The following PTPRC variants were observed in gnomAD, a reference collection of about 807,000 sequenced individuals.
PTPRC encodes protein tyrosine phosphatase receptor type C, also known as receptor-type tyrosine-protein phosphatase C.
In PTPRC, 44 loss-of-function variants were observed where a neutral mutation model predicts 155.9. That is an observed-to-expected ratio of 0.28 (90% CI 0.22 to 0.36). The LOEUF (loss-of-function observed/expected upper bound fraction) is 0.36, where lower values mean the gene tolerates loss of function less well. PTPRC is among the 10% of genes least tolerant of loss of function. The pLI, the probability that PTPRC is intolerant of heterozygous loss-of-function variation, is 1.00. For missense variants in PTPRC, 1,401 were observed against 1,564.6 expected (o/e 0.90, Z 1.76); for synonymous variants, 525 against 533.1 (o/e 0.98, Z 0.21).
intron 2 of PTPRC, among the ~76,000 whole-genome samples, chr1:198,684,776 C>T (rs1269897985): frequency 6.6e-6 from 1 of 151,942 alleles, no homozygotes; most frequent in Non-Finnish European, 1.5e-5. Context: ...AATGTTTTCT[C>T]ATTTCTGAAA....
In PTPRC at chr1:198,752,451, G is replaced by A. The variant is rs945869887; in HGVS notation, c.3330+80G>A. The A allele has an allele frequency of 1.2e-5, 18 of 1,561,674 alleles. No homozygotes were observed. The African/African-American group carries it at 2.3e-4, about 20-fold the overall frequency. On this transcript the variant is annotated intron_variant, in intron 30 of 32. Coordinates refer to ENST00000442510, the MANE Select transcript of PTPRC (RefSeq NM_002838.5). Reference sequence around the variant, plus strand: ...AATGAATATAAATTACTCTATGCAGGCAAGGCCATCATATAAATAATGTTT... The same window carrying A: ...AATGAATATAAATTACTCTATGCAGACAAGGCCATCATATAAATAATGTTT...
chr1:198,757,279 T>TATA lies in PTPRC; in HGVS notation c.*1102_*1104dup, dbSNP rs1491475159. On this transcript the variant is annotated 3_prime_UTR_variant, in exon 33 of 33. Coordinates refer to ENST00000442510, the MANE Select transcript of PTPRC (RefSeq NM_002838.5). ...ATTCAACCATTATTTTTTTCTTGTT[T>TATA]ATAATACATTGTGTTATATGTTCAA... The TATA allele has an allele frequency of 1.3e-5, 2 of 151,864 alleles. No individual in the cohort carries two copies. Among genetic ancestry groups the TATA allele is most frequent in the Non-Finnish European group, 2.9e-5 (2 of 67,826 alleles). 9.4% of individuals were successfully genotyped at this position (151,864 alleles called of 1,614,324 possible).
chr1:198,753,840 A>G (rs1284425887), intron 31 of PTPRC, among the ~76,000 whole-genome samples: 3 of 152,066 alleles, frequency 2.0e-5, no homozygotes, highest in Non-Finnish European at 4.4e-5. Context: ...GAGAGGCAGA[A>G]GAGTGAAGAA....
In PTPRC at chr1:198,731,600, CTT is replaced by C. The variant is rs766767236; in HGVS notation, c.1865-15_1865-14del. 2.6e-6 allele frequency: 4 copies of C among 1,565,972 alleles called. No homozygotes were observed. In the Admixed American group the frequency reaches 6.7e-5, roughly 26 times the overall value. On this transcript the variant is annotated splice_polypyrimidine_tract_variant and intron_variant, in intron 17 of 32. Transcript: ENST00000442510. Reference sequence around the variant, plus strand: ...AAGACACATGTAACTAGTATTGAATCTTTAATATGTTTCCAGATGATGAAAAA... The same window carrying C: ...AAGACACATGTAACTAGTATTGAATCTAATATGTTTCCAGATGATGAAAAA...
In PTPRC at chr1:198,718,123, T is replaced by A. The variant is rs757549269; in HGVS notation, c.1480T>A (p.Ser494Thr). The stretch of plus-strand genomic sequence containing the variant: ...AAGCCAGGTCTGGAACATGACTGTC[T>A]CCATGACATCAGATAATAGTATGCA... ...PPSQVWNMTVSMTSDNSMHVK... is the reference protein window; with the variant it reads ...PPSQVWNMTVTMTSDNSMHVK... The change falls in exon 14 of 33, where the codon TCC (serine) becomes ACC (threonine). Residue 494 changes from serine to threonine, a missense_variant. Around this residue, in one of 3 missense-constraint regions of PTPRC, gnomAD observed 867 missense variants for 970.4 expected, o/e 0.89. Coordinates refer to ENST00000442510, the MANE Select transcript of PTPRC (RefSeq NM_002838.5). 1.2e-6 allele frequency: 2 copies of A among 1,613,778 alleles called. No individual in the cohort carries two copies. The highest frequency in any genetic ancestry group is 2.7e-5 in the African/African-American group (2 of 75,024).
intron 15 of PTPRC, among the ~76,000 whole-genome samples, chr1:198,724,024 TGTTCAG>T: frequency 6.6e-6 from 1 of 152,276 alleles, no homozygotes; most frequent in East Asian, 1.9e-4. Context: ...TAGCACTCCC[TGTTCAG>T]GTGTAGTTTA....
Position 198,716,850 on chromosome 1 carries a change from A to G in PTPRC, c.1450+10A>G, listed in dbSNP as rs1653614018. 2.5e-6 allele frequency: 4 copies of G among 1,612,342 alleles called. No homozygotes were observed. Among genetic ancestry groups the G allele is most frequent in the Non-Finnish European group, 3.4e-6 (4 of 1,179,038 alleles). On this transcript the variant is annotated intron_variant, in intron 13 of 32. Coordinates refer to ENST00000442510, the MANE Select transcript of PTPRC (RefSeq NM_002838.5). The stretch of plus-strand genomic sequence containing the variant: ...ACAACTAAAAGTGCTCGTAAGTTAT[A>G]TGTTTTAATGCTTCTTTCCATAAAT...
rs1364324344 is a variant in PTPRC, at chr1:198,718,236, T to C, written c.1593T>C (p.Asn531=). 6.2e-7 allele frequency: 1 copy of C among 1,614,116 alleles called. No homozygotes were observed. The highest frequency in any genetic ancestry group is 8.5e-7 in the Non-Finnish European group (1 of 1,179,986). Residue 531 remains asparagine, a synonymous_variant, in exon 14 of 33, where the codon AAT becomes AAC. Transcript: ENST00000442510. ...EVEAGNTLVR[N]ESHKNCDFRV... is the part of the protein sequence containing the mutation. ...AAGCTGGAAATACTCTGGTTAGAAATGAGTCGCATAAGAATTGCGATTTCC... is the reference window on the plus strand; with the variant it reads ...AAGCTGGAAATACTCTGGTTAGAAACGAGTCGCATAAGAATTGCGATTTCC...
intron 2 of PTPRC, among the ~76,000 whole-genome samples, chr1:198,658,945 T>TA (rs1033685344): frequency 6.6e-6 from 1 of 152,180 alleles, no homozygotes; most frequent in African/African-American, 2.4e-5. Context: ...GGTACTACCC[T>TA]ACAGACATGC....
intron 15 of PTPRC, among the ~76,000 whole-genome samples, chr1:198,727,941 C>T (rs1293900057): frequency 6.6e-6 from 1 of 152,066 alleles, no homozygotes; most frequent in Admixed American, 6.6e-5. Flanking sequence ...AGAGGCTACC[C>T]ACTTCTGCAT....
At position 198,756,492 on chromosome 1, in the gene PTPRC, A is replaced by G. The variant is rs559991273; in HGVS notation, c.*311A>G. 29 of 240,094 alleles carry G rather than the reference A, an allele frequency of 1.2e-4. No homozygotes were observed. Among genetic ancestry groups the G allele is most frequent in the Admixed American group, 7.1e-4 (14 of 19,584 alleles). 14.9% of individuals were successfully genotyped at this position (240,094 alleles called of 1,614,324 possible). A position where few individuals can be genotyped will look rare whatever the true frequency, so the allele number is the denominator to read the frequency against. On this transcript the variant is annotated 3_prime_UTR_variant, in exon 33 of 33. Coordinates refer to ENST00000442510, the MANE Select transcript of PTPRC (RefSeq NM_002838.5). ...TGTGAGAGACAGAGAAAGAGAGAGAATTCTTTCAAGTGAATCTAAAAGCTT... is the reference window on the plus strand; with the variant it reads ...TGTGAGAGACAGAGAAAGAGAGAGAGTTCTTTCAAGTGAATCTAAAAGCTT...
intron 2 of PTPRC, among the ~76,000 whole-genome samples, chr1:198,659,342 C>T (rs1226570448): frequency 6.6e-6 from 1 of 152,082 alleles, no homozygotes; most frequent in African/African-American, 2.4e-5. Context: ...TAGTATTGCT[C>T]TATGCCAAGG....
intron 23 of PTPRC, among the ~76,000 whole-genome samples, chr1:198,737,715 A>G (rs899069130): frequency 6.6e-6 from 1 of 151,672 alleles, no homozygotes; most frequent in Non-Finnish European, 1.5e-5. Flanking sequence ...TGGTATTTTG[A>G]TAGATATTGC....
intron 2 of PTPRC, 98 bp downstream of exon 2, chr1:198,639,439 G>T (rs1571765815): frequency 1.1e-6 from 1 of 927,896 alleles, no homozygotes; most frequent in East Asian, 2.7e-5. Flanking sequence ...TTGGTAACTG[G>T]AAGTGAGAAG....
intron 2 of PTPRC, among the ~76,000 whole-genome samples, chr1:198,649,834 A>T: frequency 6.6e-6 from 1 of 151,924 alleles, no homozygotes; most frequent in East Asian, 1.9e-4. Flanking sequence ...GTGGTGAGAG[A>T]TAACAAGAAA....
At chr1:198,644,144 T>C (rs1662801460) in intron 2 of PTPRC, among the ~76,000 whole-genome samples, 1 of 151,864 alleles carries the variant, frequency 6.6e-6, no homozygotes, top group Non-Finnish European at 1.5e-5. Context: ...TCTAGACATC[T>C]TATAGATTTA....
chr1:198,727,644 G>T lies in PTPRC; in HGVS notation c.1721-696G>T, dbSNP rs58777687. Among the ~76,000 whole-genome samples, 200 of 152,174 alleles carry T rather than the reference G, an allele frequency of 1.3e-3. 3 individuals carry two copies. In the East Asian group the frequency reaches 0.034, roughly 26 times the overall value. On this transcript the variant is annotated intron_variant, in intron 15 of 32. Coordinates refer to ENST00000442510, the MANE Select transcript of PTPRC (RefSeq NM_002838.5). ...GCTAGGATTGGAAGCTAAGCAGTCGGGCTCTGGAGCTGAGGCTCTTAAGTC... is the reference window on the plus strand; with the variant it reads ...GCTAGGATTGGAAGCTAAGCAGTCGTGCTCTGGAGCTGAGGCTCTTAAGTC...
intron 8 of PTPRC, among the ~76,000 whole-genome samples, chr1:198,705,277 GTC>G (rs1488560167): frequency 6.6e-6 from 1 of 151,904 alleles, no homozygotes; most frequent in Non-Finnish European, 1.5e-5. Context: ...GCCTTCATAT[GTC>G]TGTTTAATTA....
intron 23 of PTPRC, among the ~76,000 whole-genome samples, chr1:198,741,291 G>C (rs1168161471): frequency 1.3e-5 from 2 of 151,772 alleles, no homozygotes; most frequent in Non-Finnish European, 2.9e-5. Flanking sequence ...TCTAATCTGG[G>C]GCTGACTTTC....
Sources: allele counts gnomAD v4.1 joint callset (sites outside exome capture counted in the v4.1 genomes callset), GRCh38; gene constraint gnomAD v4.1.1; regional missense constraint gnomAD v4.1.1; transcripts MANE v1.5; gene names NCBI Gene and HGNC (gene_info 2026-07-23, HGNC 2026-07-21).